The following SNX1 variants were observed in gnomAD, a reference collection of about 807,000 sequenced individuals.
SNX1 encodes sorting nexin-1.
A neutral mutation model predicts 71.8 loss-of-function variants in SNX1; 36 were observed. The ratio of observed to expected loss-of-function variants is 0.50; its 90% CI spans 0.38 to 0.66. The LOEUF is 0.66. Among genes scored for constraint, SNX1 ranks in the 30% least tolerant of loss-of-function variants. The pLI is 0.00. For missense variants in SNX1, 612 were observed against 646.7 expected (o/e 0.95, Z 0.58); for synonymous variants, 254 against 240.7 (o/e 1.06, Z -0.51).
At chr15:64,135,452 C>G (rs1362684168) in intron 12 of SNX1, among the ~76,000 whole-genome samples, 11 of 148,622 alleles carry the variant, frequency 7.4e-5, no homozygotes, top group African/African-American at 2.7e-4. Context: ...CCCATCTCTA[C>G]TAAAAATACA....
At chr15:64,118,971 G>A (rs1329204658) in intron 4 of SNX1, 117 bp downstream of exon 4, 1 of 706,700 alleles carries the variant, frequency 1.4e-6, no homozygotes, top group Non-Finnish European at 2.5e-6. Context: ...TACTTCATTA[G>A]TATCTTTTCT....
chr15:64,116,239 A>C (rs939173471), intron 2 of SNX1, among the ~76,000 whole-genome samples: 1 of 152,256 alleles, frequency 6.6e-6, no homozygotes, highest in Non-Finnish European at 1.5e-5. Flanking sequence ...GTGGTTCATC[A>C]TAAAGGTTTT....
chr15:64,125,930 A>G, intron 5 of SNX1, 149 bp from the exon 6 acceptor site: 2 of 801,294 alleles, frequency 2.5e-6, no homozygotes, highest in Non-Finnish European at 4.1e-6. Flanking sequence ...TAAAAAGTTT[A>G]AGACTCTCTG....
chr15:64,122,528 G>A (rs1029245713), intron 4 of SNX1, among the ~76,000 whole-genome samples: 9 of 152,174 alleles, frequency 5.9e-5, no homozygotes, highest in African/African-American at 2.2e-4. Context: ...CTGAAACCAA[G>A]TTGTAATGTG....
chr15:64,137,537 G>A (rs747417353), intron 14 of SNX1, 31 bp from the exon 15 acceptor site: 5 of 1,613,428 alleles, frequency 3.1e-6, no homozygotes, highest in East Asian at 2.2e-5. Context: ...CTAGGTGGGG[G>A]CACTTGCTTA....
intron 8 of SNX1, among the ~76,000 whole-genome samples, chr15:64,128,961 G>T (rs1187432534): frequency 1.3e-5 from 2 of 152,096 alleles, no homozygotes; most frequent in Non-Finnish European, 2.9e-5. Context: ...TAGAACTACT[G>T]CCAGGCCAGG....
At chr15:64,117,994 A>G in intron 2 of SNX1, 123 bp from the exon 3 acceptor site, 1 of 875,890 alleles carries the variant, frequency 1.1e-6, no homozygotes, top group Non-Finnish European at 1.8e-6. Context: ...TATGACTTTC[A>G]GTCTAAGAGC....
At chr15:64,112,519 G>T in intron 1 of SNX1, 54 bp from the exon 2 acceptor site, 1 of 1,279,124 alleles carries the variant, frequency 7.8e-7, no homozygotes, top group East Asian at 2.4e-5. Flanking sequence ...TTCTAGGCAA[G>T]TTGGGTTTGT....
At chr15:64,113,239 T>C (rs1378064699) in intron 2 of SNX1, among the ~76,000 whole-genome samples, 1 of 152,208 alleles carries the variant, frequency 6.6e-6, no homozygotes, top group African/African-American at 2.4e-5. Context: ...AAAACACTAG[T>C]ATAGGACAGT....
rs1555491445 is a variant in SNX1 at position 64,119,737 on chromosome 15, AACAC to A, written c.466+897_466+900del. On this transcript the variant is annotated intron_variant, in intron 4 of 14. Transcript: ENST00000559844. Reference sequence around the variant, plus strand: ...AGACTGTGTCTTAAAAAAAAAAAAAAACACACACACACACACAAAAAACATTATC... The same window carrying A: ...AGACTGTGTCTTAAAAAAAAAAAAAAACACACACACACAAAAAACATTATC... Among the ~76,000 whole-genome samples the A allele has an allele frequency of 4.3e-5, 6 of 141,098 alleles. No homozygotes were observed. In the East Asian group the frequency reaches 6.4e-4, roughly 15 times the overall value. 92.6% of individuals were successfully genotyped at this position (141,098 alleles called of 152,430 possible). A position where few individuals can be genotyped will look rare whatever the true frequency, so the allele number is the denominator to read the frequency against.
chr15:64,104,819 A>C (rs1390063842), intron 1 of SNX1, among the ~76,000 whole-genome samples: 2 of 149,990 alleles, frequency 1.3e-5, no homozygotes, highest in African/African-American at 4.9e-5. Flanking sequence ...CGGGAGGCAG[A>C]GGTTGCAGTG....
rs1471183503 is a variant in SNX1, at chr15:64,129,622, G to A, written c.808-294G>A. On this transcript the variant is annotated intron_variant, in intron 8 of 14. Transcript: ENST00000559844. This position sits in a 1 kb window ranked among gnomAD's most constrained non-coding sequence, Gnocchi z 4.4. ...TTGGTACTTAAGCAGTTCATGCCTG[G>A]GTAGGCAGACAATCTCAATTTGAGG... Among the ~76,000 whole-genome samples the A allele has an allele frequency of 6.6e-6, 1 of 152,136 alleles. No homozygotes were observed. Among genetic ancestry groups the A allele is most frequent in the African/African-American group, 2.4e-5 (1 of 41,410 alleles).
chr15:64,136,819 A>G, intron 13 of SNX1, 42 bp from the exon 14 acceptor site: 2 of 1,523,756 alleles, frequency 1.3e-6, no homozygotes, highest in Non-Finnish European at 1.8e-6. Context: ...ATCGAAAGGG[A>G]AAGCAAAAAC....
intron 2 of SNX1, among the ~76,000 whole-genome samples, chr15:64,116,952 A>G (rs866777171): frequency 2.0e-5 from 3 of 152,194 alleles, no homozygotes; most frequent in Non-Finnish European, 1.5e-5. Context: ...GAGTAGGAAG[A>G]TTTTCAGATA....
Position 64,137,930 on chromosome 15 carries a change from G to C in SNX1, c.*312G>C, listed in dbSNP as rs569982042. The C allele has an allele frequency of 7.1e-7, 1 of 1,415,372 alleles. No individual in the cohort carries two copies. The highest frequency in any genetic ancestry group is 1.6e-5 in the South Asian group (1 of 60,776). The allele number at this position is 1,415,372 out of a possible 1,614,324, so 87.7% of individuals were successfully genotyped here. Reference sequence around the variant, plus strand: ...TGTATATTTTTCAGGATGTGGTTTAGGAACTGGGAATAACGTTTTCTGTTA... The same window carrying C: ...TGTATATTTTTCAGGATGTGGTTTACGAACTGGGAATAACGTTTTCTGTTA... On this transcript the variant is annotated 3_prime_UTR_variant, in exon 15 of 15. Coordinates refer to ENST00000559844, the MANE Select transcript of SNX1 (RefSeq NM_003099.5).
chr15:64,142,843 C>A lies in SNX1; in HGVS notation c.*5225C>A. ...ATTGTCGCCTACACAAAAATACCAG[C>A]AACTGTTAACTCTTCCCAGAAGATT... is the stretch of plus-strand genomic sequence containing the variant. On this transcript the variant is annotated 3_prime_UTR_variant, in exon 15 of 15. Coordinates refer to ENST00000559844, the MANE Select transcript of SNX1 (RefSeq NM_003099.5). The A allele has an allele frequency of 2.9e-6, 1 of 343,344 alleles. No homozygotes were observed. The highest frequency in any genetic ancestry group is 2.2e-5 in the South Asian group (1 of 45,682). The allele number at this position is 343,344 out of a possible 1,614,324, so 21.3% of individuals were successfully genotyped here. A position where few individuals can be genotyped will look rare whatever the true frequency, so the allele number is the denominator to read the frequency against.
intron 11 of SNX1, chr15:64,132,497 C>G (rs1450990101): frequency 6.4e-6 from 1 of 155,936 alleles, no homozygotes; most frequent in Non-Finnish European, 1.4e-5. Flanking sequence ...CACTCTTTCT[C>G]CTGGTGATCA....
chr15:64,126,516 G>T (rs1363130020), intron 6 of SNX1, among the ~76,000 whole-genome samples: 4 of 152,120 alleles, frequency 2.6e-5, no homozygotes, highest in Admixed American at 2.0e-4. Flanking sequence ...GACTACATTG[G>T]ATTAGGGGTC....
At chr15:64,103,121 A>G (rs1251294911) in intron 1 of SNX1, among the ~76,000 whole-genome samples, 1 of 152,132 alleles carries the variant, frequency 6.6e-6, no homozygotes, top group African/African-American at 2.4e-5. Flanking sequence ...GGTTGATTCC[A>G]TATCTTGACT....
Sources: allele counts gnomAD v4.1 joint callset (sites outside exome capture counted in the v4.1 genomes callset), GRCh38; gene constraint gnomAD v4.1.1; non-coding constraint Gnocchi (gnomAD v3.1); transcripts MANE v1.5; gene names NCBI Gene and HGNC (gene_info 2026-07-23, HGNC 2026-07-21).